Variants in GABRB2 observed in about 807,000 individuals in gnomAD.
GABRB2 encodes gamma-aminobutyric acid receptor subunit beta-2.
In GABRB2, 16 loss-of-function variants were observed where a neutral mutation model predicts 54.7. The observed-to-expected ratio is 0.29, with a 90% confidence interval of 0.20 to 0.44. The LOEUF (loss-of-function observed/expected upper bound fraction) is 0.44, where lower values mean the gene tolerates loss of function less well. GABRB2 is among the 20% of genes least tolerant of loss of function. The pLI is 1.00. For synonymous variants in GABRB2, 244 were observed against 233.8 expected, an observed-to-expected ratio of 1.04 and a Z score of -0.40; for missense variants, 355 against 644.0, an observed-to-expected ratio of 0.55 and a Z score of 4.86.
chr5:161,385,837 G>A (rs1755608168), intron 5 of GABRB2, among the ~76,000 whole-genome samples: 1 of 152,034 alleles, frequency 6.6e-6, no homozygotes, highest in Admixed American at 6.6e-5. Context: ...GAGACTGTGT[G>A]TGGAAGACAG....
chr5:161,439,339 C>A (rs1171140232), intron 4 of GABRB2, among the ~76,000 whole-genome samples: 2 of 152,122 alleles, frequency 1.3e-5, no homozygotes, highest in South Asian at 2.1e-4. Flanking sequence ...AAAGACTTTC[C>A]CAGATGAACA....
At chr5:161,303,266 G>A (rs1348575116) in intron 9 of GABRB2, among the ~76,000 whole-genome samples, 3 of 152,052 alleles carry the variant, frequency 2.0e-5, no homozygotes, top group African/African-American at 7.2e-5. Context: ...AATATATAAC[G>A]AAAAGATACT....
chr5:161,452,983 G>A (rs575443357), intron 4 of GABRB2, among the ~76,000 whole-genome samples: 60 of 152,234 alleles, frequency 3.9e-4, no homozygotes, highest in African/African-American at 1.0e-3. Flanking sequence ...GTGACAGAGT[G>A]AGACACTGTC....
intron 2 of GABRB2, 46 bp from the exon 3 acceptor site, chr5:161,545,340 C>A (rs1169218663): frequency 2.0e-6 from 3 of 1,468,830 alleles, no homozygotes; most frequent in Non-Finnish European, 1.9e-6. Context: ...GAACTTCATT[C>A]ATTCTCAGCA....
At chr5:161,300,507 G>A (rs998404146) in intron 9 of GABRB2, among the ~76,000 whole-genome samples, 8 of 152,100 alleles carry the variant, frequency 5.3e-5, no homozygotes, top group African/African-American at 1.9e-4. Flanking sequence ...ACAATTCTGG[G>A]TTGTTGATGT....
At chr5:161,321,046 C>G (rs1285340479) in intron 9 of GABRB2, among the ~76,000 whole-genome samples, 1 of 151,966 alleles carries the variant, frequency 6.6e-6, no homozygotes, top group Non-Finnish European at 1.5e-5. Flanking sequence ...GATTACTAAG[C>G]TTTCCCCACT....
chr5:161,430,039 T>C (rs1757131777), intron 4 of GABRB2, among the ~76,000 whole-genome samples: 1 of 152,162 alleles, frequency 6.6e-6, no homozygotes, highest in African/African-American at 2.4e-5. Context: ...ATAAAATAGT[T>C]ATATGAATTG....
intron 3 of GABRB2, among the ~76,000 whole-genome samples, chr5:161,486,037 T>C (rs1280123789): frequency 6.6e-6 from 1 of 151,948 alleles, no homozygotes; most frequent in Non-Finnish European, 1.5e-5. Flanking sequence ...GTTATTTTAA[T>C]TACTGGGACT....
At position 161,366,069 on chromosome 5, in the gene GABRB2, G is replaced by A. The variant is rs185292785; in HGVS notation, c.542-29300C>T. On this transcript the variant is annotated intron_variant, in intron 5 of 9. Coordinates refer to ENST00000393959, the MANE Select transcript of GABRB2 (RefSeq NM_001371727.1). Reference sequence around the variant, plus strand: ...TGTCAAGTTATCTAGTATGAACTCCGTAAAGCCAGCTAAGTTGGCACTTTT... The same window carrying A: ...TGTCAAGTTATCTAGTATGAACTCCATAAAGCCAGCTAAGTTGGCACTTTT... Among the ~76,000 whole-genome samples the A allele has an allele frequency of 8.3e-4, 125 of 149,974 alleles. 1 individual carries two copies. Among genetic ancestry groups the A allele is most frequent in the African/African-American group, 2.9e-3 (118 of 40,646 alleles).
intron 3 of GABRB2, among the ~76,000 whole-genome samples, chr5:161,466,069 G>A (rs1314226436): frequency 2.0e-5 from 3 of 151,944 alleles, no homozygotes; most frequent in African/African-American, 7.3e-5. Context: ...TGTCTTTGAT[G>A]GGTAGCAGTC....
chr5:161,470,792 C>A (rs1458287947), intron 3 of GABRB2, among the ~76,000 whole-genome samples: 1 of 151,858 alleles, frequency 6.6e-6, no homozygotes, highest in Non-Finnish European at 1.5e-5. Context: ...TAACTTAAAC[C>A]ATGGAAATAG....
intron 5 of GABRB2, among the ~76,000 whole-genome samples, chr5:161,372,458 C>T (rs78219594): frequency 6.6e-6 from 1 of 152,022 alleles, no homozygotes; most frequent in African/African-American, 2.4e-5. Flanking sequence ...CATGATAGCT[C>T]CTATTTGGGG....
chr5:161,308,299 C>G (rs1757761224), intron 9 of GABRB2, among the ~76,000 whole-genome samples: 3 of 152,142 alleles, frequency 2.0e-5, no homozygotes, highest in Admixed American at 2.0e-4. Context: ...CTTGGTACCT[C>G]CCCTCCCTTG....
At chr5:161,471,987 A>G (rs999944628) in intron 3 of GABRB2, among the ~76,000 whole-genome samples, 1 of 151,812 alleles carries the variant, frequency 6.6e-6, no homozygotes. Context: ...TAGATTAACC[A>G]CTTAACTAGC....
chr5:161,393,563 A>G (rs1755901783), intron 5 of GABRB2, among the ~76,000 whole-genome samples: 1 of 152,014 alleles, frequency 6.6e-6, no homozygotes, highest in African/African-American at 2.4e-5. Flanking sequence ...AAACAAAGAG[A>G]AAAATATTTA....
At chr5:161,463,837 C>A (rs1758201371) in intron 3 of GABRB2, among the ~76,000 whole-genome samples, 1 of 151,196 alleles carries the variant, frequency 6.6e-6, no homozygotes, top group African/African-American at 2.4e-5. Context: ...AAAGCATAAT[C>A]TTATTATATA....
Position 161,346,644 on chromosome 5 carries a change from T to C in GABRB2, c.542-9875A>G, listed in dbSNP as rs530525604. On this transcript the variant is annotated intron_variant, in intron 5 of 9. Transcript: ENST00000393959. ...ATTTAAGGGATTGCAGGCAGGATGC[T>C]CCTGAAGATAAACTTTGGGTCTAAA... is the stretch of plus-strand genomic sequence containing the variant. 9.2e-5 allele frequency among the ~76,000 whole-genome samples: 14 copies of C among 152,220 alleles called. No homozygotes were observed. In the East Asian group the frequency reaches 2.5e-3, roughly 27 times the overall value.
intron 5 of GABRB2, among the ~76,000 whole-genome samples, chr5:161,352,866 T>C (rs531298926): frequency 4.6e-5 from 7 of 152,116 alleles, no homozygotes; most frequent in Admixed American, 4.6e-4. Context: ...CTAATAAACC[T>C]GTTATCTTGG....
At chr5:161,311,893 G>T (rs1257051467) in intron 9 of GABRB2, among the ~76,000 whole-genome samples, 5 of 152,142 alleles carry the variant, frequency 3.3e-5, no homozygotes, top group Non-Finnish European at 7.4e-5. Context: ...AAAAGTCAAT[G>T]ACTATAGGAT....
Sources: gnomAD v4.1 joint callset for allele counts (sites outside exome capture counted in the v4.1 genomes callset) on GRCh38, gnomAD v4.1.1 for gene constraint, MANE v1.5 for transcripts, NCBI Gene and HGNC (gene_info 2026-07-23, HGNC 2026-07-21) for gene names.